XYLT1: variants seen among roughly 807,000 people sequenced by gnomAD.
XYLT1 encodes beta-D-xylosyltransferase 1.
Under a neutral mutation model 91.3 loss-of-function variants are expected in XYLT1, and 36 were observed. That is an observed-to-expected ratio of 0.39 (90% CI 0.30 to 0.52). The LOEUF (loss-of-function observed/expected upper bound fraction) is 0.52, where lower values mean the gene tolerates loss of function less well. Ranked by LOEUF, XYLT1 falls within the 20% of genes least tolerant of loss-of-function variation. XYLT1 has a pLI of 0.68. For missense variants in XYLT1, 1,242 were observed against 1,284.5 expected, an observed-to-expected ratio of 0.97 and a Z score of 0.51; for synonymous variants, 588 against 532.0, an observed-to-expected ratio of 1.11 and a Z score of -1.45.
chr16:17,230,463 G>A (rs180691717), intron 3 of XYLT1, among the ~76,000 whole-genome samples: 1 of 152,144 alleles, frequency 6.6e-6, no homozygotes, highest in Non-Finnish European at 1.5e-5. Context: ...TAAGCCTTCC[G>A]TGAGCAGTAG....
Position 17,375,701 on chromosome 16 carries a change from C to T in XYLT1, c.364-17651G>A, listed in dbSNP as rs181770892. ...ATGATCCAGAGAGGCCGGGAACATGCTCCTGGGCCCTCGTGCCCATCAGAT... is the reference window on the plus strand; with the variant it reads ...ATGATCCAGAGAGGCCGGGAACATGTTCCTGGGCCCTCGTGCCCATCAGAT... On this transcript the variant is annotated intron_variant, in intron 1 of 11. Coordinates refer to ENST00000261381, the MANE Select transcript of XYLT1 (RefSeq NM_022166.4). Among the ~76,000 whole-genome samples the T allele has an allele frequency of 5.9e-3, 904 of 152,352 alleles. 3 individuals are homozygous for T. Among genetic ancestry groups the T allele is most frequent in the Non-Finnish European group, 0.01 (694 of 68,030 alleles).
intron 1 of XYLT1, among the ~76,000 whole-genome samples, chr16:17,406,612 T>C (rs908114975): frequency 6.6e-6 from 1 of 152,194 alleles, no homozygotes; most frequent in Non-Finnish European, 1.5e-5. Flanking sequence ...TTTGATCATC[T>C]GGAAAGCAGA....
At chr16:17,307,802 G>A (rs2034489435) in intron 2 of XYLT1, among the ~76,000 whole-genome samples, 1 of 152,144 alleles carries the variant, frequency 6.6e-6, no homozygotes, top group Non-Finnish European at 1.5e-5. Flanking sequence ...ATTCAACTGG[G>A]CAATTGCTCA....
At chr16:17,134,401 A>AC (rs968220185) in intron 9 of XYLT1, 72 bp downstream of exon 9, 30 of 1,565,086 alleles carry the variant, frequency 1.9e-5, no homozygotes, top group South Asian at 1.2e-4. Context: ...AGGAAGAAGG[A>AC]CCCCCACTCT....
intron 11 of XYLT1, among the ~76,000 whole-genome samples, chr16:17,110,860 C>A (rs1966839482): frequency 6.6e-6 from 1 of 152,076 alleles, no homozygotes; most frequent in South Asian, 2.1e-4. Context: ...TTCACTCATG[C>A]AAAAATTCAA....
chr16:17,377,616 G>A (rs2035619727), intron 1 of XYLT1, among the ~76,000 whole-genome samples: 1 of 152,100 alleles, frequency 6.6e-6, no homozygotes, highest in Admixed American at 6.5e-5. Flanking sequence ...CCATGGAATG[G>A]AAGCTATGAT....
chr16:17,189,801 C>T (rs553648321), intron 5 of XYLT1, among the ~76,000 whole-genome samples: 189 of 152,328 alleles, frequency 1.2e-3, no homozygotes, highest in African/African-American at 4.3e-3. Context: ...AATCTCAGCA[C>T]TTTGGGAGGC....
intron 6 of XYLT1, among the ~76,000 whole-genome samples, chr16:17,145,252 C>T (rs1295839787): frequency 6.6e-6 from 1 of 152,180 alleles, no homozygotes; most frequent in Non-Finnish European, 1.5e-5. Flanking sequence ...TTCTGGGAAC[C>T]ACATTTTGCT....
intron 1 of XYLT1, among the ~76,000 whole-genome samples, chr16:17,391,561 G>C (rs1244568722): frequency 5.3e-5 from 8 of 152,124 alleles, no homozygotes; most frequent in Non-Finnish European, 7.4e-5. Context: ...AAACCCACTG[G>C]GCAATTACAA....
chr16:17,169,674 G>A (rs113797602), intron 5 of XYLT1, among the ~76,000 whole-genome samples: 10,621 of 150,152 alleles, frequency 0.071, 442 homozygotes, highest in Middle Eastern at 0.13. Context: ...GGGGGCGGGC[G>A]GGGAGGGTGG....
intron 3 of XYLT1, among the ~76,000 whole-genome samples, chr16:17,207,612 T>C (rs1376453594): frequency 6.6e-6 from 1 of 152,168 alleles, no homozygotes; most frequent in Non-Finnish European, 1.5e-5. Context: ...TCTCCTCTCA[T>C]CCAGCAAACT....
At position 17,387,528 on chromosome 16, in the gene XYLT1, C is replaced by T. The variant is rs1247643248; in HGVS notation, c.364-29478G>A. 2.0e-5 allele frequency among the ~76,000 whole-genome samples: 3 copies of T among 152,166 alleles called. No homozygotes were observed. The East Asian group carries it at 5.8e-4, about 29-fold the overall frequency. ...AACCTGAGGCACAGGCTATTATCAG[C>T]GTGATCATTATTATCATCATTGTCA... On this transcript the variant is annotated intron_variant, in intron 1 of 11. Transcript: ENST00000261381.
chr16:17,224,044 C>T (rs1027532526), intron 3 of XYLT1, among the ~76,000 whole-genome samples: 2 of 152,202 alleles, frequency 1.3e-5, no homozygotes, highest in Non-Finnish European at 2.9e-5. Flanking sequence ...AGGACCAGAC[C>T]TCGCTAGCTC....
intron 1 of XYLT1, among the ~76,000 whole-genome samples, chr16:17,419,985 G>C (rs1233021732): frequency 6.6e-6 from 1 of 152,188 alleles, no homozygotes; most frequent in African/African-American, 2.4e-5. Context: ...ATTGGAAGGA[G>C]AGTAATCCAC....
chr16:17,337,802 A>G (rs1452922878), intron 2 of XYLT1, among the ~76,000 whole-genome samples: 3 of 117,068 alleles, frequency 2.6e-5, no homozygotes, highest in East Asian at 2.2e-4. Flanking sequence ...TTTTTGTGAG[A>G]CAGAGTCTTG....
intron 1 of XYLT1, among the ~76,000 whole-genome samples, chr16:17,371,935 A>AC (rs58371057): frequency 4.0e-5 from 6 of 151,836 alleles, no homozygotes; most frequent in East Asian, 1.9e-4. Context: ...TTCATTCAAC[A>AC]CCCCCCCAAA....
chr16:17,318,649 T>C (rs2034671133), intron 2 of XYLT1, among the ~76,000 whole-genome samples: 2 of 152,176 alleles, frequency 1.3e-5, no homozygotes. Flanking sequence ...TCCATGAATT[T>C]GTTAACTGAG....
At chr16:17,324,368 C>G (rs1279010474) in intron 2 of XYLT1, among the ~76,000 whole-genome samples, 6 of 152,124 alleles carry the variant, frequency 3.9e-5, no homozygotes, top group Non-Finnish European at 8.8e-5. Context: ...GACCTAGGAG[C>G]CAGCGCCTGT....
rs748911218 is a variant in XYLT1, at chr16:17,105,399, G to C, written c.*3296C>G. ...CCACAATGAGAAATGAAGCCGGAAG[G>C]ACTCATGATCTCACCAGGAAAGCCT... On this transcript the variant is annotated 3_prime_UTR_variant, in exon 12 of 12. Transcript: ENST00000261381. 6.6e-6 allele frequency: 1 copy of C among 152,214 alleles called. No homozygotes were observed. Among genetic ancestry groups the C allele is most frequent in the Non-Finnish European group, 1.5e-5 (1 of 68,044 alleles). 9.4% of individuals were successfully genotyped at this position (152,214 alleles called of 1,614,324 possible). A position where few individuals can be genotyped will look rare whatever the true frequency, so the allele number is the denominator to read the frequency against.
Sources: allele counts gnomAD v4.1 joint callset (sites outside exome capture counted in the v4.1 genomes callset), GRCh38; gene constraint gnomAD v4.1.1; transcripts MANE v1.5; gene names NCBI Gene and HGNC (gene_info 2026-07-23, HGNC 2026-07-21).